The following RGS17 variants were observed in gnomAD, a reference collection of about 807,000 sequenced individuals.
RGS17 encodes the protein regulator of G-protein signaling 17.
RGS17 carries 12 observed loss-of-function variants against 25.5 expected under a neutral mutation model. The ratio of observed to expected loss-of-function variants is 0.47; its 90% CI spans 0.30 to 0.76. The LOEUF is 0.76. Ranked by LOEUF, RGS17 falls within the 30% of genes least tolerant of loss-of-function variation. RGS17 has a pLI of 0.07. For missense variants in RGS17, 196 were observed against 242.2 expected, an observed-to-expected ratio of 0.81 and a Z score of 1.27; for synonymous variants, 71 against 76.9, an observed-to-expected ratio of 0.92 and a Z score of 0.40.
chr6:153,080,733 C>T (rs1031677845), intron 1 of RGS17, among the ~76,000 whole-genome samples: 2 of 151,946 alleles, frequency 1.3e-5, no homozygotes, highest in Non-Finnish European at 2.9e-5. Flanking sequence ...GCATTGAATG[C>T]TGTAAAAAGC....
chr6:153,076,824 G>C (rs1043866411), intron 1 of RGS17, among the ~76,000 whole-genome samples: 1 of 152,058 alleles, frequency 6.6e-6, no homozygotes, highest in Admixed American at 6.6e-5. Flanking sequence ...AGAAAAGTGC[G>C]AGCTAATGAT....
chr6:153,058,332 T>C (rs1776591054), intron 1 of RGS17, among the ~76,000 whole-genome samples: 1 of 152,224 alleles, frequency 6.6e-6, no homozygotes, highest in Non-Finnish European at 1.5e-5. Context: ...AAAGTTTTTG[T>C]ATCCATTGGC....
chr6:153,040,475 T>C (rs1776307387), intron 2 of RGS17, among the ~76,000 whole-genome samples: 1 of 152,220 alleles, frequency 6.6e-6, no homozygotes, highest in Non-Finnish European at 1.5e-5. Flanking sequence ...GAGGTATTTA[T>C]ATTTATTACT....
At chr6:153,023,922 C>T (rs1156609724) in intron 4 of RGS17, among the ~76,000 whole-genome samples, 5 of 152,172 alleles carry the variant, frequency 3.3e-5, no homozygotes, top group Non-Finnish European at 7.3e-5. Context: ...TTCACATGAT[C>T]TAGGGGTCAT....
chr6:153,095,059 G>T (rs576745143), intron 1 of RGS17, among the ~76,000 whole-genome samples: 2 of 152,132 alleles, frequency 1.3e-5, no homozygotes, highest in African/African-American at 4.8e-5. Context: ...TAATATGGTT[G>T]GCTTGGTATG....
chr6:153,090,618 C>T lies in RGS17; in HGVS notation c.-26+40506G>A, dbSNP rs1334859297. Among the ~76,000 whole-genome samples the T allele has an allele frequency of 3.3e-5, 5 of 151,778 alleles. No homozygotes were observed. The East Asian group carries it at 9.6e-4, about 29-fold the overall frequency. On this transcript the variant is annotated intron_variant, in intron 1 of 4. Coordinates refer to ENST00000206262, the MANE Select transcript of RGS17 (RefSeq NM_012419.5). ...CTCCAGCCTGGGCAACGAAATGAGG[C>T]CTTGTCACAAAAAAAAAGGAAAGAA... is the stretch of plus-strand genomic sequence containing the variant.
intron 1 of RGS17, among the ~76,000 whole-genome samples, chr6:153,061,471 G>C (rs535390253): frequency 6.6e-6 from 1 of 152,088 alleles, no homozygotes; most frequent in South Asian, 2.1e-4. Flanking sequence ...ACGTAAAGAA[G>C]ATAAGGTTAA....
intron 1 of RGS17, among the ~76,000 whole-genome samples, chr6:153,047,324 T>C (rs1776398270): frequency 6.6e-6 from 1 of 152,198 alleles, no homozygotes; most frequent in Non-Finnish European, 1.5e-5. Context: ...TTTCTCTGTT[T>C]AGATACACTC....
chr6:153,108,385 C>A (rs1359163228), intron 1 of RGS17, among the ~76,000 whole-genome samples: 1 of 152,196 alleles, frequency 6.6e-6, no homozygotes, highest in East Asian at 1.9e-4. Flanking sequence ...CCTCAGAATA[C>A]TAGGAAACAA....
chr6:153,013,175 T>C (rs769874659), intron 4 of RGS17, among the ~76,000 whole-genome samples: 49 of 152,360 alleles, frequency 3.2e-4, no homozygotes, highest in Non-Finnish European at 6.2e-4. Context: ...GCTCACTCTG[T>C]GTCTCTGTGT....
intron 2 of RGS17, among the ~76,000 whole-genome samples, chr6:153,034,176 G>A (rs1297162783): frequency 6.6e-6 from 1 of 152,174 alleles, no homozygotes; most frequent in African/African-American, 2.4e-5. Context: ...GTGTGTGTGT[G>A]TGAATACGTA....
At position 153,015,657 on chromosome 6, in the gene RGS17, C is replaced by CT. The variant is rs540220104; in HGVS notation, c.445-3896dup. Among the ~76,000 whole-genome samples the CT allele has an allele frequency of 9.9e-5, 15 of 151,044 alleles. No homozygotes were observed. In the South Asian group the frequency reaches 2.7e-3, roughly 27 times the overall value. ...ATACTATGACTACAGTATAGTATAT[C>CT]TTTTTTTTGTTTTTTTTTTTTAGTC... On this transcript the variant is annotated intron_variant, in intron 4 of 4. Coordinates refer to ENST00000206262, the MANE Select transcript of RGS17 (RefSeq NM_012419.5).
intron 1 of RGS17, among the ~76,000 whole-genome samples, chr6:153,128,424 G>A (rs1352466567): frequency 2.0e-5 from 3 of 152,214 alleles, no homozygotes; most frequent in East Asian, 1.9e-4. Flanking sequence ...TCTTGGCATC[G>A]TACCTCATCA....
intron 1 of RGS17, among the ~76,000 whole-genome samples, chr6:153,053,362 G>A (rs1206391296): frequency 1.3e-5 from 2 of 152,118 alleles, no homozygotes; most frequent in East Asian, 1.9e-4. Context: ...TGTAACATAC[G>A]CAGTTACAGA....
rs544730013 is a variant in RGS17, at chr6:153,008,949, G to A, written c.*2625C>T. ...AAACCCTCCCCTCACCCAAAAATAC[G>A]AGTTTAGCACAGAAATGCTCACATA... On this transcript the variant is annotated 3_prime_UTR_variant, in exon 5 of 5. Transcript: ENST00000206262. 2.0e-5 allele frequency: 3 copies of A among 152,078 alleles called. No individual in the cohort carries two copies. Among genetic ancestry groups the A allele is most frequent in the South Asian group, 2.1e-4 (1 of 4,828 alleles). 9.4% of individuals were successfully genotyped at this position (152,078 alleles called of 1,614,324 possible). A position where few individuals can be genotyped will look rare whatever the true frequency, so the allele number is the denominator to read the frequency against.
At chr6:153,083,788 G>A (rs1388570103) in intron 1 of RGS17, among the ~76,000 whole-genome samples, 1 of 152,150 alleles carries the variant, frequency 6.6e-6, no homozygotes, top group African/African-American at 2.4e-5. Flanking sequence ...TGAATTTGTT[G>A]ATGCCACAAA....
intron 1 of RGS17, among the ~76,000 whole-genome samples, chr6:153,128,809 G>A (rs1187017010): frequency 1.3e-5 from 2 of 152,144 alleles, no homozygotes; most frequent in African/African-American, 4.8e-5. Flanking sequence ...CTCAGAGGAA[G>A]AGCCCTACAA....
chr6:153,061,063 G>A (rs955667726), intron 1 of RGS17, among the ~76,000 whole-genome samples: 1 of 152,180 alleles, frequency 6.6e-6, no homozygotes, highest in Non-Finnish European at 1.5e-5. Flanking sequence ...TTAAAATGAA[G>A]TGGAAAGTCA....
At chr6:153,088,303 T>A (rs1331796283) in intron 1 of RGS17, among the ~76,000 whole-genome samples, 3 of 152,188 alleles carry the variant, frequency 2.0e-5, no homozygotes, top group Non-Finnish European at 4.4e-5. Flanking sequence ...TGAGATAGTA[T>A]TTATTGGTTT....
Sources: gnomAD v4.1 joint callset for allele counts (sites outside exome capture counted in the v4.1 genomes callset) on GRCh38, gnomAD v4.1.1 for gene constraint, MANE v1.5 for transcripts, NCBI Gene and HGNC (gene_info 2026-07-23, HGNC 2026-07-21) for gene names.